PCDHA11: variants seen among roughly 807,000 people sequenced by gnomAD.
PCDHA11 encodes the protein protocadherin alpha-11.
Under a neutral mutation model 70.3 loss-of-function variants are expected in PCDHA11, and 61 were observed. That is an observed-to-expected ratio of 0.87 (90% CI 0.71 to 1.07). The LOEUF is 1.07. Ranked by LOEUF, PCDHA11 falls within the 50% of genes least tolerant of loss-of-function variation. The probability of loss-of-function intolerance (pLI) is 0.00; values close to 1 mark genes in which losing one functional copy is unlikely to be tolerated. For synonymous variants in PCDHA11, 633 were observed against 555.1 expected, an observed-to-expected ratio of 1.14 and a Z score of -1.97; for missense variants, 1,324 against 1,237.5, an observed-to-expected ratio of 1.07 and a Z score of -1.05.
At chr5:140,923,376 A>T (rs1331786466) in intron 1 of PCDHA11, among the ~76,000 whole-genome samples, 5 of 152,086 alleles carry the variant, frequency 3.3e-5, no homozygotes, top group Non-Finnish European at 7.3e-5. Flanking sequence ...ATATTTTTAA[A>T]AATTAGTTGG....
At chr5:140,911,539 C>T (rs1554194791) in intron 1 of PCDHA11, among the ~76,000 whole-genome samples, 1 of 152,194 alleles carries the variant, frequency 6.6e-6, no homozygotes, top group African/African-American at 2.4e-5. Context: ...ATTAGAATCC[C>T]TAAGTTCATC....
chr5:140,907,727 C>T (rs2153502591), intron 1 of PCDHA11, among the ~76,000 whole-genome samples: 1 of 152,306 alleles, frequency 6.6e-6, no homozygotes, highest in Admixed American at 6.5e-5. Flanking sequence ...AACCTCCATC[C>T]CTGCCACCAT....
intron 1 of PCDHA11, chr5:140,876,038 G>A (rs2153335869): frequency 6.2e-7 from 1 of 1,613,822 alleles, no homozygotes; most frequent in East Asian, 2.2e-5. Context: ...AAAGATAAAA[G>A]TATATTGCCT....
intron 1 of PCDHA11, chr5:140,929,210 G>C (rs782078369): frequency 1.9e-6 from 3 of 1,614,070 alleles, no homozygotes; most frequent in Non-Finnish European, 2.5e-6. Context: ...CTGTTGCGTG[G>C]GGAGTACAAT....
At chr5:140,972,275 G>A (rs548735122) in intron 1 of PCDHA11, among the ~76,000 whole-genome samples, 1 of 150,974 alleles carries the variant, frequency 6.6e-6, no homozygotes, top group African/African-American at 2.4e-5. Flanking sequence ...GAGTAGCTTG[G>A]ACCATAGATG....
rs2050835199 is a variant in PCDHA11, at chr5:140,869,084, G to A, written c.-20G>A. ...CTGTAAGTGTAAAGAAGCTTATTTTGGAAGCCAATTTCGTATGCGATGTTT... is the reference window on the plus strand; with the variant it reads ...CTGTAAGTGTAAAGAAGCTTATTTTAGAAGCCAATTTCGTATGCGATGTTT... On this transcript the variant is annotated 5_prime_UTR_variant, in exon 1 of 4. Transcript: ENST00000398640. The A allele has an allele frequency of 6.3e-7, 1 of 1,583,106 alleles. No homozygotes were observed. Among genetic ancestry groups the A allele is most frequent in the African/African-American group, 1.4e-5 (1 of 73,642 alleles).
Position 140,871,057 on chromosome 5 carries a change from G to A in PCDHA11, c.1954G>A (p.Asp652Asn), listed in dbSNP as rs1554165044. Residue 652 changes from aspartate (D) to asparagine (N), a missense_variant, in exon 1 of 4, where the codon GAT becomes AAT. Physicochemically the swap from Asp to Asn is conservative, Grantham distance 23. Coordinates refer to ENST00000398640, the MANE Select transcript of PCDHA11 (RefSeq NM_018902.5). ...PRHRLLVLVK[D>N]HGEPALTATA... ...CCACCGACTTCTAGTACTGGTGAAG[G>A]ATCACGGTGAGCCGGCGCTGACGGC... 7 of 1,613,300 alleles carry A rather than the reference G, an allele frequency of 4.3e-6. No homozygotes were observed. The highest frequency in any genetic ancestry group is 5.9e-6 in the Non-Finnish European group (7 of 1,179,864).
chr5:140,943,333 T>C (rs1337058167), intron 1 of PCDHA11, among the ~76,000 whole-genome samples: 1 of 150,974 alleles, frequency 6.6e-6, no homozygotes, highest in East Asian at 1.9e-4. Flanking sequence ...GTAGTATCCA[T>C]TGGACAGGAT....
chr5:140,900,653 T>C (rs1163740859), intron 1 of PCDHA11, among the ~76,000 whole-genome samples: 1 of 152,220 alleles, frequency 6.6e-6, no homozygotes, highest in Non-Finnish European at 1.5e-5. Flanking sequence ...ACTGCTGCAA[T>C]GAACAATGGG....
In PCDHA11 at chr5:141,003,093, C is replaced by T. The variant is rs80317990; in HGVS notation, c.2540-6534C>T. 2.0e-4 allele frequency among the ~76,000 whole-genome samples: 30 copies of T among 152,330 alleles called. No individual in the cohort carries two copies. The East Asian group carries it at 5.4e-3, about 27-fold the overall frequency. ...ATGAGGGTGAGTTTAACAGGCCTGG[C>T]ATTTGCTTCACAATCTTCTGGCCCT... On this transcript the variant is annotated intron_variant, in intron 3 of 3. Coordinates refer to ENST00000398640, the MANE Select transcript of PCDHA11 (RefSeq NM_018902.5).
chr5:140,884,886 A>G (rs1261353977), intron 1 of PCDHA11, among the ~76,000 whole-genome samples: 1 of 152,220 alleles, frequency 6.6e-6, no homozygotes, highest in Non-Finnish European at 1.5e-5. Flanking sequence ...CAAAACAAGA[A>G]TATTTTGTTT....
intron 1 of PCDHA11, among the ~76,000 whole-genome samples, chr5:140,931,212 T>A (rs556351535): frequency 3.5e-4 from 54 of 152,168 alleles, no homozygotes; most frequent in Non-Finnish European, 3.5e-4. Context: ...GTATTTCAGG[T>A]ATCAGAGCAC....
intron 1 of PCDHA11, chr5:140,882,727 A>G (rs1554175345): frequency 6.2e-7 from 1 of 1,614,250 alleles, no homozygotes. Context: ...CTCGATTTCC[A>G]CTAGATGGCG....
intron 1 of PCDHA11, among the ~76,000 whole-genome samples, chr5:140,924,235 G>C (rs1320085802): frequency 6.6e-6 from 1 of 152,208 alleles, no homozygotes; most frequent in Non-Finnish European, 1.5e-5. Flanking sequence ...TTTATGGGCT[G>C]TTTTGCATCC....
chr5:140,884,020 G>C (rs61734917), intron 1 of PCDHA11: 236 of 1,613,292 alleles, frequency 1.5e-4, no homozygotes, highest in Non-Finnish European at 1.9e-4. Flanking sequence ...TGCCGCGGTC[G>C]GTGGGTGCAG....
At chr5:140,935,638 T>G (rs1452378093) in intron 1 of PCDHA11, among the ~76,000 whole-genome samples, 2 of 152,214 alleles carry the variant, frequency 1.3e-5, no homozygotes, top group Admixed American at 6.5e-5. Context: ...TAGGGCTTGC[T>G]TTTTAAATTT....
chr5:140,938,025 C>A (rs1431326044), intron 1 of PCDHA11, among the ~76,000 whole-genome samples: 5 of 151,978 alleles, frequency 3.3e-5, no homozygotes, highest in Non-Finnish European at 7.4e-5. Context: ...AGTAAAATCT[C>A]ATATTTTTAT....
chr5:140,877,706 T>TG (rs781796819), intron 1 of PCDHA11: 16 of 1,613,800 alleles, frequency 9.9e-6, no homozygotes, highest in Non-Finnish European at 1.4e-5. Context: ...TCCAGCGCCG[T>TG]GGGGAGTTGG....
At chr5:140,919,858 T>C (rs1392372108) in intron 1 of PCDHA11, among the ~76,000 whole-genome samples, 1 of 152,246 alleles carries the variant, frequency 6.6e-6, no homozygotes, top group Non-Finnish European at 1.5e-5. Flanking sequence ...TGACCTCATT[T>C]GGAAATAAGT....
Sources: allele counts gnomAD v4.1 joint callset (sites outside exome capture counted in the v4.1 genomes callset), GRCh38; gene constraint gnomAD v4.1.1; transcripts MANE v1.5; gene names NCBI Gene and HGNC (gene_info 2026-07-23, HGNC 2026-07-21).